The following NUP93 variants were observed in gnomAD, a reference collection of about 807,000 sequenced individuals.
The protein encoded by NUP93 is nucleoporin 93, also known as nuclear pore complex protein Nup93.
In NUP93, 55 loss-of-function variants were observed where a neutral mutation model predicts 107.8. The observed-to-expected ratio is 0.51, with a 90% CI of 0.41 to 0.64. The LOEUF is 0.64. Among genes scored for constraint, NUP93 ranks in the 30% least tolerant of loss-of-function variants. The probability of loss-of-function intolerance (pLI) is 0.00; values close to 1 mark genes in which losing one functional copy is unlikely to be tolerated. For synonymous variants in NUP93, 390 were observed against 397.5 expected (o/e 0.98, Z 0.22); for missense variants, 937 against 1,044.7 (o/e 0.90, Z 1.42).
At chr16:56,842,258 G>A (rs1334034822) in intron 21 of NUP93, among the ~76,000 whole-genome samples, 1 of 152,166 alleles carries the variant, frequency 6.6e-6, no homozygotes, top group African/African-American at 2.4e-5. Context: ...TGACCCTAGA[G>A]AGGTAACTAG....
At chr16:56,774,517 C>A (rs1193851337) in intron 3 of NUP93, among the ~76,000 whole-genome samples, 5 of 151,752 alleles carry the variant, frequency 3.3e-5, no homozygotes, top group African/African-American at 1.2e-4. Context: ...ACAACAGATG[C>A]CATGAGAGAA....
chr16:56,791,023 C>A (rs1962750432), intron 3 of NUP93, among the ~76,000 whole-genome samples: 1 of 151,998 alleles, frequency 6.6e-6, no homozygotes, highest in South Asian at 2.1e-4. Flanking sequence ...TGCAGATTTC[C>A]TATTAATTTG....
At chr16:56,757,635 G>A (rs1567377998) in intron 2 of NUP93, among the ~76,000 whole-genome samples, 1 of 152,138 alleles carries the variant, frequency 6.6e-6, no homozygotes. Context: ...AAATAAAGAT[G>A]GCTATATTAT....
chr16:56,774,082 G>T (rs1962368849), intron 3 of NUP93, among the ~76,000 whole-genome samples: 1 of 152,156 alleles, frequency 6.6e-6, no homozygotes, highest in African/African-American at 2.4e-5. Flanking sequence ...CTAAAAAGTA[G>T]TCAGAGCCCA....
intron 1 of NUP93, among the ~76,000 whole-genome samples, chr16:56,732,442 T>C (rs1287834309): frequency 1.3e-5 from 2 of 152,114 alleles, no homozygotes; most frequent in African/African-American, 4.8e-5. Context: ...AAAGCACAGA[T>C]AGGAAGTGTG....
chr16:56,736,842 C>CTCATGG (rs1961622449), intron 1 of NUP93, among the ~76,000 whole-genome samples: 1 of 152,148 alleles, frequency 6.6e-6, no homozygotes, highest in Non-Finnish European at 1.5e-5. Context: ...TTAAAATTAA[C>CTCATGG]AAGTTATTAA....
intron 2 of NUP93, among the ~76,000 whole-genome samples, chr16:56,756,840 T>A (rs1459123305): frequency 6.6e-6 from 1 of 152,208 alleles, no homozygotes; most frequent in African/African-American, 2.4e-5. Flanking sequence ...CCATTCTGAT[T>A]GGCATGAGAT....
At chr16:56,804,280 A>G (rs1686341482) in intron 4 of NUP93, among the ~76,000 whole-genome samples, 1 of 152,222 alleles carries the variant, frequency 6.6e-6, no homozygotes, top group Non-Finnish European at 1.5e-5. Flanking sequence ...AGCATTATTC[A>G]CAAAAGCCAA....
intron 3 of NUP93, among the ~76,000 whole-genome samples, chr16:56,789,957 C>T (rs1408836780): frequency 6.6e-6 from 1 of 152,094 alleles, no homozygotes; most frequent in Non-Finnish European, 1.5e-5. Context: ...ATTAGCTGGG[C>T]ATGGTGGCGT....
chr16:56,838,997 G>C lies in NUP93; in HGVS notation c.2064G>C (p.Thr688=), dbSNP rs772236857. 1 of 1,614,000 alleles carries C rather than the reference G, an allele frequency of 6.2e-7. No individual in the cohort carries two copies. The highest frequency in any genetic ancestry group is 1.1e-5 in the South Asian group (1 of 91,076). The stretch of plus-strand genomic sequence containing the variant: ...GCGCAAATAAATTTGTGGACTCCAC[G>C]TTCTATCTTCTTTTGGACTTGATCA... ...GISANKFVDS[T]FYLLLDLITF... The change falls in exon 19 of 22, where the codon ACG becomes ACC. Residue 688 remains threonine, a synonymous_variant. Transcript: ENST00000308159.
chr16:56,732,127 C>T (rs1278218256), intron 1 of NUP93, among the ~76,000 whole-genome samples: 3 of 152,190 alleles, frequency 2.0e-5, no homozygotes, highest in Non-Finnish European at 4.4e-5. Context: ...ACTAGGGAGG[C>T]ACCTAGTGAG....
chr16:56,735,821 T>TC (rs2144430164), intron 1 of NUP93, among the ~76,000 whole-genome samples: 1 of 119,666 alleles, frequency 8.4e-6, no homozygotes, highest in East Asian at 2.6e-4. Flanking sequence ...AAAGTGAAAC[T>TC]CCGTCTCAAA....
At chr16:56,815,899 G>GGTGCTGCTGCTGCTGCTGCTGCTGGTGC (rs1555495759) in intron 5 of NUP93, among the ~76,000 whole-genome samples, 1,208 of 95,986 alleles carry the variant, frequency 0.013, 10 homozygotes, top group Non-Finnish European at 0.016. Context: ...GCTGCTGCTG[G>GGTGCTGCTGCTGCTGCTGCTGCTGGTGC]TGCTGCTGCT....
In NUP93 at chr16:56,839,877, T is replaced by C. The variant is rs16962767; in HGVS notation, c.2220+273T>C. The C allele has an allele frequency of 0.1, 42,643 of 423,612 alleles. 2,296 individuals are homozygous for C. Among genetic ancestry groups the C allele is most frequent in the East Asian group, 0.16 (3,291 of 20,590 alleles). 26.2% of individuals were successfully genotyped at this position (423,612 alleles called of 1,614,324 possible). Reference sequence around the variant, plus strand: ...GAGAAACAGGTTTCTGGTTGATCTGTGAAGTCTGGTTTAATTCTTCTATTA... The same window carrying C: ...GAGAAACAGGTTTCTGGTTGATCTGCGAAGTCTGGTTTAATTCTTCTATTA... On this transcript the variant is annotated intron_variant, in intron 20 of 21. Coordinates refer to ENST00000308159, the MANE Select transcript of NUP93 (RefSeq NM_014669.5).
At position 56,809,107 on chromosome 16, in the gene NUP93, A is replaced by G. The variant is rs185085605; in HGVS notation, c.489+3475A>G. Reference sequence around the variant, plus strand: ...TCATGTATCCCAGAGGTCTTTCCTGAGAGGGATTTTGAGGCTACATCCAGG... The same window carrying G: ...TCATGTATCCCAGAGGTCTTTCCTGGGAGGGATTTTGAGGCTACATCCAGG... On this transcript the variant is annotated intron_variant, in intron 5 of 21. Transcript: ENST00000308159. Among the ~76,000 whole-genome samples, 99 of 152,014 alleles carry G rather than the reference A, an allele frequency of 6.5e-4. 1 individual carries two copies. In the East Asian group the frequency reaches 0.019, roughly 29 times the overall value.
At chr16:56,787,181 C>G (rs1450360514) in intron 3 of NUP93, among the ~76,000 whole-genome samples, 1 of 152,178 alleles carries the variant, frequency 6.6e-6, no homozygotes, top group Non-Finnish European at 1.5e-5. Flanking sequence ...TTTTAGTAGT[C>G]TCCAAACAAA....
rs533478097 is a variant in NUP93 at position 56,834,840 on chromosome 16, A to T, written c.1782+62A>T. 6 of 1,276,048 alleles carry T rather than the reference A, an allele frequency of 4.7e-6. 1 individual carries two copies. In the South Asian group the frequency reaches 7.7e-5, roughly 16 times the overall value. 79.0% of individuals were successfully genotyped at this position (1,276,048 alleles called of 1,614,324 possible). On this transcript the variant is annotated intron_variant, in intron 16 of 21. Transcript: ENST00000308159. ...CCATTGGGGATTTATAAATATCAAAAAATACACTTAGATTTTAAGATTCAA... is the reference window on the plus strand; with the variant it reads ...CCATTGGGGATTTATAAATATCAAATAATACACTTAGATTTTAAGATTCAA...
At chr16:56,822,649 C>T (rs1330266726) in intron 7 of NUP93, among the ~76,000 whole-genome samples, 1 of 150,578 alleles carries the variant, frequency 6.6e-6, no homozygotes, top group Non-Finnish European at 1.5e-5. Flanking sequence ...CAACCTCCAC[C>T]TCCTGGGTTC....
intron 3 of NUP93, among the ~76,000 whole-genome samples, chr16:56,797,401 T>C (rs1962924059): frequency 6.6e-6 from 1 of 152,228 alleles, no homozygotes; most frequent in African/African-American, 2.4e-5. Context: ...TGGGTCATCT[T>C]CCTTGTTCCT....
Sources: gnomAD v4.1 joint callset for allele counts (sites outside exome capture counted in the v4.1 genomes callset) on GRCh38, gnomAD v4.1.1 for gene constraint, MANE v1.5 for transcripts, NCBI Gene and HGNC (gene_info 2026-07-23, HGNC 2026-07-21) for gene names.